ALG9: variants seen among roughly 807,000 people sequenced by gnomAD.
ALG9 encodes alpha-1,2-mannosyltransferase ALG9.
Under a neutral mutation model 81.8 loss-of-function variants are expected in ALG9, and 55 were observed. The ratio of observed to expected loss-of-function variants is 0.67; its 90% CI spans 0.54 to 0.84. The LOEUF is 0.84. ALG9 is among the 40% of genes least tolerant of loss of function. The probability of loss-of-function intolerance (pLI) is 0.00; values close to 1 mark genes in which losing one functional copy is unlikely to be tolerated. For missense variants in ALG9, 629 were observed against 745.0 expected, an observed-to-expected ratio of 0.84 and a Z score of 1.81; for synonymous variants, 278 against 274.3, an observed-to-expected ratio of 1.01 and a Z score of -0.13.
chr11:111,806,523 T>C (rs1429515228), intron 14 of ALG9, among the ~76,000 whole-genome samples: 1 of 152,216 alleles, frequency 6.6e-6, no homozygotes, highest in Non-Finnish European at 1.5e-5. Context: ...CTGGGTTTCC[T>C]ACTACTTTAC....
chr11:111,772,214 T>G, the ALG9 span, among the ~76,000 whole-genome samples: 1 of 152,132 alleles, frequency 6.6e-6, no homozygotes, highest in East Asian at 1.9e-4. Context: ...TCTCTGGAGC[T>G]CAGGAGTTTG....
intron 9 of ALG9, 78 bp downstream of exon 9, chr11:111,844,523 G>A (rs1956680697): frequency 6.3e-7 from 1 of 1,587,586 alleles, no homozygotes; most frequent in African/African-American, 1.3e-5. Context: ...AAGTAAGTAG[G>A]ATTTTCCTTC....
chr11:111,815,891 T>A (rs1555096640), intron 13 of ALG9, among the ~76,000 whole-genome samples: 1 of 152,206 alleles, frequency 6.6e-6, no homozygotes, highest in Non-Finnish European at 1.5e-5. Context: ...CCTGGAATAT[T>A]AGAGCCCATT....
chr11:111,854,156 G>A (rs1277159613), intron 6 of ALG9, among the ~76,000 whole-genome samples: 2 of 146,854 alleles, frequency 1.4e-5, no homozygotes, highest in African/African-American at 5.0e-5. Context: ...GGAGTGCAGT[G>A]GCGCAATCTC....
At chr11:111,834,826 G>C (rs1367548835) in intron 13 of ALG9, among the ~76,000 whole-genome samples, 2 of 152,152 alleles carry the variant, frequency 1.3e-5, no homozygotes, top group African/African-American at 4.8e-5. Flanking sequence ...AAAATGACCT[G>C]TAACAGTCTA....
intron 13 of ALG9, among the ~76,000 whole-genome samples, chr11:111,812,823 A>G (rs1219003640): frequency 6.7e-6 from 1 of 148,196 alleles, no homozygotes; most frequent in Non-Finnish European, 1.5e-5. Flanking sequence ...AGGCTGAGGC[A>G]GGAAAATTCT....
At position 111,782,736 on chromosome 11, in the gene ALG9, G is replaced by C. The variant is rs941433119; in HGVS notation, c.*3661C>G. ...AAAACACAATAAATGATTGCCACTG[G>C]AGCTTTGCCCAAATGGTCACCGTAG... On this transcript the variant is annotated 3_prime_UTR_variant, in exon 15 of 15. Coordinates refer to ENST00000616540, the MANE Select transcript of ALG9 (RefSeq NM_024740.2). 6.6e-6 allele frequency: 1 copy of C among 152,132 alleles called. No individual in the cohort carries two copies. The highest frequency in any genetic ancestry group is 1.9e-4 in the East Asian group (1 of 5,186). The allele number at this position is 152,132 out of a possible 1,614,324, so 9.4% of individuals were successfully genotyped here.
intron 14 of ALG9, among the ~76,000 whole-genome samples, chr11:111,786,775 C>T (rs1040029433): frequency 4.6e-5 from 7 of 152,240 alleles, no homozygotes; most frequent in Middle Eastern, 3.4e-3. Flanking sequence ...TCTAGGTCTT[C>T]ATTTTGCATT....
intron 13 of ALG9, among the ~76,000 whole-genome samples, chr11:111,815,151 T>A (rs1951291329): frequency 6.6e-6 from 1 of 152,048 alleles, no homozygotes; most frequent in African/African-American, 2.4e-5. Context: ...TATCATATCA[T>A]CCCTAAGCAA....
intron 14 of ALG9, among the ~76,000 whole-genome samples, chr11:111,801,793 A>C (rs1221193483): frequency 1.3e-5 from 2 of 152,186 alleles, no homozygotes; most frequent in Non-Finnish European, 2.9e-5. Context: ...AAATTCTCTG[A>C]AGGCATTCCC....
chr11:111,815,507 T>G (rs570743293), intron 13 of ALG9, among the ~76,000 whole-genome samples: 2 of 152,322 alleles, frequency 1.3e-5, no homozygotes, highest in South Asian at 4.1e-4. Flanking sequence ...GGGAAGCAGC[T>G]GATGAACAAC....
the ALG9 span, among the ~76,000 whole-genome samples, chr11:111,768,055 G>A: frequency 1.4e-4 from 22 of 152,264 alleles, no homozygotes; most frequent in East Asian, 4.2e-3. Context: ...ATTGTTCTGG[G>A]ATAATGAGAA....
At chr11:111,803,287 A>T (rs781851786) in intron 14 of ALG9, among the ~76,000 whole-genome samples, 1 of 152,122 alleles carries the variant, frequency 6.6e-6, no homozygotes, top group Non-Finnish European at 1.5e-5. Context: ...GGATCACTTG[A>T]GTTCAGGAGT....
chr11:111,829,369 T>C (rs1001389789), intron 13 of ALG9, among the ~76,000 whole-genome samples: 1 of 152,232 alleles, frequency 6.6e-6, no homozygotes, highest in Non-Finnish European at 1.5e-5. Context: ...TTTAAAATTT[T>C]GTAAAACACA....
rs781884094 is a variant in ALG9, at chr11:111,860,584, G to A, written c.528C>T (p.Phe176=). Residue 176 remains phenylalanine, a synonymous_variant, in exon 5 of 15, where the codon TTC becomes TTT. Transcript: ENST00000616540. ...GLHVSRMMLA[F]LVLSTGMFCS... is the part of the protein sequence containing the mutation. Reference sequence around the variant, plus strand: ...AAAACATGCCAGTGCTGAGAACCAAGAAGGCTAGCATCATTCGACTCACGT... The same window carrying A: ...AAAACATGCCAGTGCTGAGAACCAAAAAGGCTAGCATCATTCGACTCACGT... The A allele has an allele frequency of 2.5e-5, 40 of 1,613,982 alleles. No homozygotes were observed. The highest frequency in any genetic ancestry group is 3.1e-5 in the Non-Finnish European group (37 of 1,180,006).
intron 14 of ALG9, among the ~76,000 whole-genome samples, chr11:111,800,399 T>G (rs1447546578): frequency 6.6e-6 from 1 of 152,080 alleles, no homozygotes; most frequent in Non-Finnish European, 1.5e-5. Flanking sequence ...GAGAATCACT[T>G]GAACCCAGGA....
the ALG9 span, among the ~76,000 whole-genome samples, chr11:111,776,889 C>T: frequency 6.6e-6 from 1 of 152,196 alleles, no homozygotes; most frequent in African/African-American, 2.4e-5. Flanking sequence ...TATTCTAAGG[C>T]CTTTCACTTT....
intron 13 of ALG9, among the ~76,000 whole-genome samples, chr11:111,824,524 G>A (rs1952916234): frequency 6.6e-6 from 1 of 152,132 alleles, no homozygotes; most frequent in South Asian, 2.1e-4. Context: ...TATAAACTTT[G>A]AGTGGCATTC....
At chr11:111,868,866 A>C in intron 2 of ALG9, 130 bp from the exon 3 acceptor site, 3 of 919,926 alleles carry the variant, frequency 3.3e-6, no homozygotes, top group Non-Finnish European at 4.5e-6. Flanking sequence ...CACACCTATA[A>C]TCCCAGCACT....
Sources: gnomAD v4.1 joint callset for allele counts (sites outside exome capture counted in the v4.1 genomes callset) on GRCh38, gnomAD v4.1.1 for gene constraint, MANE v1.5 for transcripts, NCBI Gene and HGNC (gene_info 2026-07-23, HGNC 2026-07-21) for gene names.